The following DIS3L2 variants were observed in gnomAD, a reference collection of about 807,000 sequenced individuals.
DIS3L2 encodes the protein DIS3 like 3'-5' exoribonuclease 2.
DIS3L2 carries 34 observed loss-of-function variants against 97.5 expected under a neutral mutation model. The observed-to-expected ratio is 0.35, with a 90% CI of 0.27 to 0.46. DIS3L2 has a LOEUF of 0.46. DIS3L2 is among the 20% of genes least tolerant of loss of function. DIS3L2 has a pLI of 1.00. For synonymous variants in DIS3L2, 435 were observed against 445.2 expected (o/e 0.98, Z 0.29); for missense variants, 1,038 against 1,146.0 (o/e 0.91, Z 1.36).
At chr2:232,186,468 G>A (rs1490795772) in intron 9 of DIS3L2, among the ~76,000 whole-genome samples, 2 of 152,132 alleles carry the variant, frequency 1.3e-5, no homozygotes, top group African/African-American at 4.8e-5. Flanking sequence ...GAGAATTCTA[G>A]AAAACATTTA....
rs568528396 is a variant in DIS3L2 at position 232,181,362 on chromosome 2, T to C, written c.1124+17730T>C. ...TCCTGAATCTGAATGTTGGGCTGCC[T>C]TGCTAGATTGGGGAAGTTCTCCTGG... is the stretch of plus-strand genomic sequence containing the variant. On this transcript the variant is annotated intron_variant, in intron 9 of 20. Transcript: ENST00000325385. Among the ~76,000 whole-genome samples the C allele has an allele frequency of 5.8e-3, 891 of 152,316 alleles. 2 individuals are homozygous for C. The highest frequency in any genetic ancestry group is 0.024 in the South Asian group (114 of 4,826).
intron 1 of DIS3L2, among the ~76,000 whole-genome samples, chr2:231,975,539 A>T (rs1693057291): frequency 6.6e-6 from 1 of 151,454 alleles, no homozygotes. Context: ...CATCTCTACT[A>T]AAAAAATGCA....
intron 6 of DIS3L2, chr2:232,111,216 G>A (rs1229424915): frequency 2.1e-6 from 1 of 471,204 alleles, no homozygotes; most frequent in Non-Finnish European, 4.4e-6. Flanking sequence ...TTGAGGCTCA[G>A]AGAAGTTCCT....
intron 1 of DIS3L2, among the ~76,000 whole-genome samples, chr2:232,010,438 T>C (rs1048422554): frequency 1.3e-5 from 2 of 152,254 alleles, no homozygotes; most frequent in Non-Finnish European, 2.9e-5. Context: ...TACTACTTGT[T>C]GATTAATCCA....
intron 14 of DIS3L2, among the ~76,000 whole-genome samples, chr2:232,321,927 G>C (rs1695449356): frequency 6.6e-6 from 1 of 152,214 alleles, no homozygotes; most frequent in South Asian, 2.1e-4. Flanking sequence ...TAGGGGCAGG[G>C]AGCAGGCCAG....
chr2:232,309,254 C>CT (rs752204121), intron 14 of DIS3L2, among the ~76,000 whole-genome samples: 3 of 152,202 alleles, frequency 2.0e-5, no homozygotes, highest in East Asian at 1.9e-4. Context: ...TCCCCAGACT[C>CT]TATCTTTCTG....
chr2:231,972,020 A>T (rs1235114099), intron 1 of DIS3L2, among the ~76,000 whole-genome samples: 1 of 151,584 alleles, frequency 6.6e-6, no homozygotes, highest in Admixed American at 6.5e-5. Flanking sequence ...CCCTGTCTCT[A>T]CTAGGAATAC....
At chr2:232,321,311 A>T (rs575612178) in intron 14 of DIS3L2, among the ~76,000 whole-genome samples, 2 of 152,234 alleles carry the variant, frequency 1.3e-5, no homozygotes, top group East Asian at 3.9e-4. Flanking sequence ...CTCTGACTGT[A>T]TGGAGCTCAC....
intron 6 of DIS3L2, among the ~76,000 whole-genome samples, chr2:232,129,186 C>T (rs1698153728): frequency 6.6e-6 from 1 of 152,212 alleles, no homozygotes; most frequent in Non-Finnish European, 1.5e-5. Flanking sequence ...GAAACCCAGT[C>T]CTCTCACTGC....
downstream of DIS3L2, among the ~76,000 whole-genome samples, chr2:232,340,320 C>T (rs1009497846): frequency 6.6e-6 from 1 of 152,158 alleles, no homozygotes; most frequent in African/African-American, 2.4e-5. Context: ...CACCACGGGA[C>T]CCCCAGCTCT....
chr2:232,329,788 C>CGGGGGCCGCG, intron 14 of DIS3L2, 25 bp from the exon 15 acceptor site: 1 of 1,080,634 alleles, frequency 9.3e-7, no homozygotes, highest in Non-Finnish European at 1.3e-6. Flanking sequence ...CCAGCGGTCC[C>CGGGGGCCGCG]TCCCATCCCA....
chr2:232,064,432 C>A (rs1349570276), intron 5 of DIS3L2, among the ~76,000 whole-genome samples: 1 of 152,182 alleles, frequency 6.6e-6, no homozygotes, highest in Non-Finnish European at 1.5e-5. Flanking sequence ...TTTACCTCTT[C>A]ACCAGTTGAA....
At position 232,300,101 on chromosome 2, in the gene DIS3L2, A is replaced by C. The variant is rs1553546491; in HGVS notation, c.1721A>C (p.Glu574Ala). Residue 574 changes from glutamate (E) to alanine (A), a missense_variant, in exon 14 of 21, where the codon GAG (glutamate) becomes GCG (alanine). Glu to Ala is a moderately radical substitution (Grantham distance 107). Transcript: ENST00000325385. Reference sequence around the variant, plus strand: ...TTGCCTCAAGGATGTCATATCTATGAGTACCGCGAGAGCAACAAGTAAGCC... The same window carrying C: ...TTGCCTCAAGGATGTCATATCTATGCGTACCGCGAGAGCAACAAGTAAGCC... ...TGLPQGCHIYEYRESNKLVEE... is the reference protein window; with the variant it reads ...TGLPQGCHIYAYRESNKLVEE... 6.2e-7 allele frequency: 1 copy of C among 1,613,654 alleles called. No homozygotes were observed. The highest frequency in any genetic ancestry group is 1.7e-5 in the Admixed American group (1 of 59,986).
At chr2:232,255,304 T>G (rs1454897001) in intron 12 of DIS3L2, among the ~76,000 whole-genome samples, 1 of 152,184 alleles carries the variant, frequency 6.6e-6, no homozygotes, top group Non-Finnish European at 1.5e-5. Context: ...AGGTTTGGAC[T>G]TAGAAGGAGT....
At chr2:232,085,775 G>A (rs1279182012) in intron 5 of DIS3L2, among the ~76,000 whole-genome samples, 3 of 151,930 alleles carry the variant, frequency 2.0e-5, no homozygotes, top group Non-Finnish European at 2.9e-5. Flanking sequence ...CTCATAAAAT[G>A]GATTAGTATC....
At chr2:232,184,227 C>T (rs1316416409) in intron 9 of DIS3L2, among the ~76,000 whole-genome samples, 2 of 152,156 alleles carry the variant, frequency 1.3e-5, no homozygotes, top group Non-Finnish European at 2.9e-5. Context: ...CTTTGCGAGT[C>T]CCACTGATGT....
intron 8 of DIS3L2, among the ~76,000 whole-genome samples, chr2:232,160,721 A>G: frequency 6.6e-6 from 1 of 152,000 alleles, no homozygotes; most frequent in Non-Finnish European, 1.5e-5. Context: ...TACAAAAAAT[A>G]CAAAAATTAG....
At chr2:231,981,622 A>G (rs1378903781) in intron 1 of DIS3L2, among the ~76,000 whole-genome samples, 2 of 142,706 alleles carry the variant, frequency 1.4e-5, no homozygotes, top group African/African-American at 5.1e-5. Flanking sequence ...ATATATATAT[A>G]TATATATATA....
At chr2:232,123,490 A>G (rs934613631) in intron 6 of DIS3L2, among the ~76,000 whole-genome samples, 2 of 151,854 alleles carry the variant, frequency 1.3e-5, no homozygotes, top group African/African-American at 4.8e-5. Context: ...TTGTGCTTAC[A>G]CTGTCCCCCT....
Sources: allele counts gnomAD v4.1 joint callset (sites outside exome capture counted in the v4.1 genomes callset), GRCh38; gene constraint gnomAD v4.1.1; transcripts MANE v1.5; gene names NCBI Gene and HGNC (gene_info 2026-07-23, HGNC 2026-07-21).